The following PNPLA1 variants were observed in gnomAD, a reference collection of about 807,000 sequenced individuals.
PNPLA1 encodes the protein omega-hydroxyceramide transacylase.
PNPLA1 carries 36 observed loss-of-function variants against 51.7 expected under a neutral mutation model. The ratio of observed to expected loss-of-function variants is 0.70; its 90% confidence interval spans 0.53 to 0.92. The LOEUF is 0.92. PNPLA1 is among the 40% of genes least tolerant of loss of function. PNPLA1 has a pLI of 0.00. For synonymous variants in PNPLA1, 293 were observed against 280.1 expected (o/e 1.05, Z -0.46); for missense variants, 658 against 682.5 (o/e 0.96, Z 0.40).
In PNPLA1 at chr6:36,291,289, G is replaced by T. The variant is rs757508669; in HGVS notation, c.206-31G>T. On this transcript the variant is annotated intron_variant, in intron 1 of 8. Transcript: ENST00000636260. ...TGGCCCCTGGCCACTGGGTGGCACC[G>T]ACCACCCCCTCTTCTCTGCTTCCTT... The T allele has an allele frequency of 5.7e-6, 9 of 1,584,618 alleles. No homozygotes were observed. The African/African-American group carries it at 6.7e-5, about 12-fold the overall frequency.
intron 1 of PNPLA1, among the ~76,000 whole-genome samples, chr6:36,243,989 C>T (rs1488431639): frequency 6.6e-6 from 1 of 152,158 alleles, no homozygotes; most frequent in African/African-American, 2.4e-5. Flanking sequence ...TGCCCCTTTC[C>T]TGCACAGATT....
chr6:36,244,933 G>C (rs527605072), intron 1 of PNPLA1, among the ~76,000 whole-genome samples: 71 of 152,326 alleles, frequency 4.7e-4, no homozygotes, highest in African/African-American at 1.3e-3. Context: ...ACTCCAGGGT[G>C]GCTCACAGGT....
In PNPLA1 at chr6:36,282,080, AGAAAGAAAGAAG is replaced by A. The variant is rs1163786212; in HGVS notation, c.206-9236_206-9225del. On this transcript the variant is annotated intron_variant, in intron 1 of 8. Coordinates refer to ENST00000636260, the MANE Select transcript of PNPLA1 (RefSeq NM_001374623.1). ...AAGAAAGAAAGAAAGAAAGAAAGAA[AGAAAGAAAGAAG>A]GAAGGAAGGAAGGAAGGAAGGAAGG... 2.0e-3 allele frequency among the ~76,000 whole-genome samples: 257 copies of A among 131,222 alleles called. 1 individual carries two copies. Among genetic ancestry groups the A allele is most frequent in the Non-Finnish European group, 3.0e-3 (186 of 62,030 alleles). The allele number at this position is 131,222 out of a possible 152,430, so 86.1% of individuals were successfully genotyped here. A position where few individuals can be genotyped will look rare whatever the true frequency, so the allele number is the denominator to read the frequency against.
intron 2 of PNPLA1, among the ~76,000 whole-genome samples, chr6:36,292,568 C>T (rs80318661): frequency 0.013 from 2,051 of 152,280 alleles, 53 homozygotes; most frequent in African/African-American, 0.046. Flanking sequence ...GGGCACTTCC[C>T]TTCATCCCCT....
At chr6:36,245,446 C>T (rs1470739996) in intron 1 of PNPLA1, among the ~76,000 whole-genome samples, 2 of 152,226 alleles carry the variant, frequency 1.3e-5, no homozygotes, top group African/African-American at 2.4e-5. Context: ...ACTCTCAGGG[C>T]TAGCTAGGTG....
chr6:36,266,484 G>A (rs1769763604), upstream of PNPLA1, among the ~76,000 whole-genome samples: 1 of 152,184 alleles, frequency 6.6e-6, no homozygotes, highest in Non-Finnish European at 1.5e-5. Context: ...GTCTCCCTGT[G>A]TGCCTTTTAC....
chr6:36,282,212 G>GGAA lies in PNPLA1; in HGVS notation c.206-9107_206-9106insAAG, dbSNP rs1554136650. Among the ~76,000 whole-genome samples, 57 of 108,728 alleles carry GGAA rather than the reference G, an allele frequency of 5.2e-4. 1 individual carries two copies. Among genetic ancestry groups the GGAA allele is most frequent in the South Asian group, 3.0e-3 (9 of 2,976 alleles). The allele number at this position is 108,728 out of a possible 152,430, so 71.3% of individuals were successfully genotyped here. The stretch of plus-strand genomic sequence containing the variant: ...AAGAAAGAAGGAAGGAAGGAAGGAA[G>GGAA]GGAAGGAAGGAAGGAAGGAAGGAAA... On this transcript the variant is annotated intron_variant, in intron 1 of 8. Transcript: ENST00000636260.
chr6:36,288,312 G>A (rs981383009), intron 1 of PNPLA1, among the ~76,000 whole-genome samples: 3 of 152,094 alleles, frequency 2.0e-5, no homozygotes, highest in African/African-American at 7.2e-5. Flanking sequence ...TTTCCATACC[G>A]CTTTTAAAAT....
chr6:36,280,253 G>A (rs1450181390), intron 1 of PNPLA1, among the ~76,000 whole-genome samples: 1 of 152,166 alleles, frequency 6.6e-6, no homozygotes, highest in Admixed American at 6.5e-5. Context: ...CCTGGCCTGA[G>A]CAATGTTTTT....
chr6:36,243,205 G>A (rs1582011910), exon 1 of PNPLA1: 2 of 152,336 alleles, frequency 1.3e-5, no homozygotes, highest in East Asian at 3.9e-4. Flanking sequence ...ACATTGGAGG[G>A]CAGTCCACAA....
At chr6:36,256,528 A>G (rs188637743) in intron 1 of PNPLA1, among the ~76,000 whole-genome samples, 4 of 150,220 alleles carry the variant, frequency 2.7e-5, no homozygotes, top group Non-Finnish European at 3.0e-5. Flanking sequence ...GCTCACTGCA[A>G]CCTCCACCTC....
chr6:36,301,725 C>T, intron 5 of PNPLA1, 136 bp from the exon 6 acceptor site: 1 of 1,236,454 alleles, frequency 8.1e-7, no homozygotes, highest in Non-Finnish European at 1.1e-6. Flanking sequence ...TTTTCACTCA[C>T]TGTAAATTCA....
intron 1 of PNPLA1, among the ~76,000 whole-genome samples, chr6:36,250,255 C>A (rs569166262): frequency 9.2e-5 from 14 of 152,232 alleles, no homozygotes; most frequent in South Asian, 2.1e-4. Context: ...AGAGAAGAGC[C>A]CCCTGTGGTC....
intron 1 of PNPLA1, among the ~76,000 whole-genome samples, chr6:36,248,765 C>G (rs1769359387): frequency 2.0e-5 from 3 of 152,148 alleles, no homozygotes; most frequent in Admixed American, 1.3e-4. Context: ...GTGATCCGCC[C>G]ACGTCAGCCT....
upstream of PNPLA1, among the ~76,000 whole-genome samples, chr6:36,269,703 G>A (rs983591669): frequency 6.6e-6 from 1 of 152,134 alleles, no homozygotes; most frequent in East Asian, 1.9e-4. Flanking sequence ...GTGCAGAGGC[G>A]GTGGTGGGTG....
upstream of PNPLA1, among the ~76,000 whole-genome samples, chr6:36,265,074 C>T (rs1769732682): frequency 1.3e-5 from 2 of 152,216 alleles, no homozygotes; most frequent in Admixed American, 1.3e-4. Context: ...GGCATGGTGG[C>T]TCATGTCTGT....
rs1005345393 is a variant in PNPLA1 at position 36,312,624 on chromosome 6, C to T, written c.*738C>T. Among the ~76,000 whole-genome samples the T allele has an allele frequency of 6.6e-6, 1 of 152,192 alleles. No individual in the cohort carries two copies. Among genetic ancestry groups the T allele is most frequent in the African/African-American group, 2.4e-5 (1 of 41,432 alleles). The stretch of plus-strand genomic sequence containing the variant: ...AGAACCTGAGGACCCTGAGGCCAAG[C>T]CTGCTTCTCACTGCTGTCCGGCACA... On this transcript the variant is annotated 3_prime_UTR_variant, in exon 9 of 9. Transcript: ENST00000636260.
At chr6:36,266,315 GT>G (rs770573729), upstream of PNPLA1, among the ~76,000 whole-genome samples, 2 of 152,206 alleles carry the variant, frequency 1.3e-5, no homozygotes, top group Non-Finnish European at 2.9e-5. Context: ...AAAGTGCCAT[GT>G]TTCAGGGTAA....
chr6:36,276,083 C>T (rs532765614), intron 1 of PNPLA1, among the ~76,000 whole-genome samples: 28 of 151,964 alleles, frequency 1.8e-4, no homozygotes, highest in Non-Finnish European at 3.5e-4. Context: ...CTCAGCCTCC[C>T]GAGTAGCTGG....
Sources: gnomAD v4.1 joint callset for allele counts (sites outside exome capture counted in the v4.1 genomes callset) on GRCh38, gnomAD v4.1.1 for gene constraint, MANE v1.5 for transcripts, NCBI Gene and HGNC (gene_info 2026-07-23, HGNC 2026-07-21) for gene names.